The following FBXL17 variants were observed in gnomAD, a reference collection of about 807,000 sequenced individuals.
FBXL17 encodes F-box and leucine rich repeat protein 17.
In FBXL17, 22 loss-of-function variants were observed where a neutral mutation model predicts 66.2. The ratio of observed to expected loss-of-function variants is 0.33; its 90% CI spans 0.24 to 0.47. The LOEUF (loss-of-function observed/expected upper bound fraction) is 0.47, where lower values mean the gene tolerates loss of function less well. FBXL17 is among the 20% of genes least tolerant of loss of function. FBXL17 has a pLI of 1.00. For synonymous variants in FBXL17, 474 were observed against 400.5 expected (o/e 1.18, Z -2.19); for missense variants, 878 against 948.2 (o/e 0.93, Z 0.97).
intron 6 of FBXL17, among the ~76,000 whole-genome samples, chr5:108,126,646 TCTC>T (rs1750714840): frequency 1.3e-5 from 1 of 77,426 alleles, no homozygotes; most frequent in Non-Finnish European, 2.7e-5. Context: ...TCTCTCTCTC[TCTC>T]TCTATATATA....
In FBXL17 at chr5:108,381,916, G is replaced by A; in HGVS notation, c.-225C>T. 7.9e-7 allele frequency: 1 copy of A among 1,262,198 alleles called. No individual in the cohort carries two copies. Among genetic ancestry groups the A allele is most frequent in the Non-Finnish European group, 1.0e-6 (1 of 1,003,686 alleles). The allele number at this position is 1,262,198 out of a possible 1,614,324, so 78.2% of individuals were successfully genotyped here. A position where few individuals can be genotyped will look rare whatever the true frequency, so the allele number is the denominator to read the frequency against. The stretch of plus-strand genomic sequence containing the variant: ...CTACATGCTTTGCCCAGGGAAGCCG[G>A]GAGAACGATGGGCGCGAGCTTTGGG... On this transcript the variant is annotated 5_prime_UTR_variant, in exon 1 of 9. Coordinates refer to ENST00000542267, the MANE Select transcript of FBXL17 (RefSeq NM_001163315.3).
Position 108,381,435 on chromosome 5 carries a change from G to C in FBXL17, c.257C>G (p.Pro86Arg). ...PEEEPPLSPP[P>R]RDGAYAAASS... ...GGCGGCAGCGTAGGCCCCGTCCCGC[G>C]GCGGCGGCGAGAGCGGCGGCTCCTC... The change falls in exon 1 of 9, where the codon CCG becomes CGG. Residue 86 changes from proline to arginine, a missense_variant. Coordinates refer to ENST00000542267, the MANE Select transcript of FBXL17 (RefSeq NM_001163315.3). 1 of 1,311,884 alleles carries C rather than the reference G, an allele frequency of 7.6e-7. No individual in the cohort carries two copies. Among genetic ancestry groups the C allele is most frequent in the South Asian group, 2.3e-5 (1 of 43,798 alleles). The allele number at this position is 1,311,884 out of a possible 1,614,324, so 81.3% of individuals were successfully genotyped here.
intron 7 of FBXL17, among the ~76,000 whole-genome samples, chr5:107,927,782 C>A (rs1047040055): frequency 6.6e-6 from 1 of 152,068 alleles, no homozygotes; most frequent in Non-Finnish European, 1.5e-5. Context: ...ACTCAACCAA[C>A]TCTTTTTCTT....
At chr5:107,896,900 T>C (rs895831214) in intron 7 of FBXL17, among the ~76,000 whole-genome samples, 1 of 152,070 alleles carries the variant, frequency 6.6e-6, no homozygotes, top group African/African-American at 2.4e-5. Context: ...GTATTGAAAA[T>C]ATAGCTTTTA....
chr5:108,226,199 C>A (rs1755092589), intron 4 of FBXL17, among the ~76,000 whole-genome samples: 1 of 152,196 alleles, frequency 6.6e-6, no homozygotes, highest in Non-Finnish European at 1.5e-5. Flanking sequence ...CCTAGAATAA[C>A]CAACCATTCT....
chr5:108,021,079 C>G (rs1754581109), intron 6 of FBXL17, 78 bp from the exon 7 acceptor site: 1 of 1,029,176 alleles, frequency 9.7e-7, no homozygotes, highest in Non-Finnish European at 1.5e-6. Flanking sequence ...AGGAAGAGGT[C>G]AGTATTTGGT....
At chr5:108,218,016 CTTTTTTTTTT>C (rs752575685) in intron 5 of FBXL17, among the ~76,000 whole-genome samples, 1 of 120,132 alleles carries the variant, frequency 8.3e-6, no homozygotes, top group Non-Finnish European at 1.7e-5. Flanking sequence ...AATTTTTTTT[CTTTTTTTTTT>C]TTTTTTTTTG....
At chr5:107,923,526 T>G (rs1750393796) in intron 7 of FBXL17, among the ~76,000 whole-genome samples, 2 of 152,164 alleles carry the variant, frequency 1.3e-5, no homozygotes, top group Non-Finnish European at 2.9e-5. Flanking sequence ...GAGCATCTTC[T>G]CCTGTCCATC....
chr5:107,900,307 G>A (rs1159408035), intron 7 of FBXL17, among the ~76,000 whole-genome samples: 2 of 152,048 alleles, frequency 1.3e-5, no homozygotes, highest in Non-Finnish European at 2.9e-5. Context: ...CACAATATAT[G>A]TAATAGTGAT....
chr5:107,972,781 C>G (rs1228290933), intron 7 of FBXL17, among the ~76,000 whole-genome samples: 1 of 151,932 alleles, frequency 6.6e-6, no homozygotes, highest in Non-Finnish European at 1.5e-5. Context: ...AGATTTGTCA[C>G]TTTTTTTTAC....
intron 4 of FBXL17, among the ~76,000 whole-genome samples, chr5:108,335,368 T>A (rs545295917): frequency 2.1e-4 from 32 of 151,918 alleles, no homozygotes; most frequent in East Asian, 9.7e-4. Context: ...GTTTTTTTTT[T>A]AAATTTTGAA....
intron 4 of FBXL17, among the ~76,000 whole-genome samples, chr5:108,341,504 G>A (rs1258782810): frequency 6.6e-6 from 1 of 152,026 alleles, no homozygotes; most frequent in African/African-American, 2.4e-5. Flanking sequence ...TCAATTTATG[G>A]GTGACAGGCA....
chr5:107,878,179 T>G, intron 8 of FBXL17: 1 of 909,854 alleles, frequency 1.1e-6, no homozygotes, highest in Non-Finnish European at 1.3e-6. Flanking sequence ...ATAATCTTAA[T>G]TTTAAATTTA....
At chr5:108,058,827 C>A (rs1747813312) in intron 6 of FBXL17, among the ~76,000 whole-genome samples, 1 of 152,132 alleles carries the variant, frequency 6.6e-6, no homozygotes, top group African/African-American at 2.4e-5. Flanking sequence ...AGTTGCCCCT[C>A]AAAGCTAAAG....
chr5:108,376,322 C>T (rs531526663), intron 1 of FBXL17, among the ~76,000 whole-genome samples: 1 of 152,224 alleles, frequency 6.6e-6, no homozygotes, highest in South Asian at 2.1e-4. Context: ...GATTGGGGAG[C>T]TGGAATTAAA....
At chr5:108,211,710 G>A (rs570995740) in intron 5 of FBXL17, among the ~76,000 whole-genome samples, 2 of 152,252 alleles carry the variant, frequency 1.3e-5, no homozygotes, top group African/African-American at 4.8e-5. Context: ...TAAGTCTGAT[G>A]GGCTTCCCTT....
intron 2 of FBXL17, 80 bp downstream of exon 2, chr5:108,367,751 G>T: frequency 8.7e-7 from 1 of 1,155,770 alleles, no homozygotes; most frequent in Non-Finnish European, 1.2e-6. Context: ...AAAACAAGAA[G>T]ACAGTAAAGA....
intron 4 of FBXL17, among the ~76,000 whole-genome samples, chr5:108,331,478 A>G (rs1251374669): frequency 2.0e-5 from 3 of 152,238 alleles, no homozygotes; most frequent in African/African-American, 7.2e-5. Flanking sequence ...ACAAATTGGT[A>G]GTTTTGAAAT....
chr5:108,242,706 G>C (rs151020626), intron 4 of FBXL17, among the ~76,000 whole-genome samples: 1,763 of 152,060 alleles, frequency 0.012, 35 homozygotes, highest in African/African-American at 0.04. Context: ...CGAATTCATG[G>C]CTCACTTTGT....
Sources: allele counts gnomAD v4.1 joint callset (sites outside exome capture counted in the v4.1 genomes callset), GRCh38; gene constraint gnomAD v4.1.1; transcripts MANE v1.5; gene names NCBI Gene and HGNC (gene_info 2026-07-23, HGNC 2026-07-21).